The following ARHGEF26 variants were observed in gnomAD, a reference collection of about 807,000 sequenced individuals.
ARHGEF26 encodes Rho guanine nucleotide exchange factor (GEF) 26.
In ARHGEF26, 59 loss-of-function variants were observed where a neutral mutation model predicts 89.4. The ratio of observed to expected loss-of-function variants is 0.66; its 90% CI spans 0.54 to 0.82. The LOEUF is 0.82. Among genes scored for constraint, ARHGEF26 ranks in the 40% least tolerant of loss-of-function variants. The probability of loss-of-function intolerance (pLI) is 0.00; values close to 1 mark genes in which losing one functional copy is unlikely to be tolerated. For synonymous variants in ARHGEF26, 500 were observed against 428.4 expected (o/e 1.17, Z -2.06); for missense variants, 1,234 against 1,085.6 (o/e 1.14, Z -1.92).
intron 7 of ARHGEF26, among the ~76,000 whole-genome samples, chr3:154,189,474 A>G (rs1455100149): frequency 6.6e-6 from 1 of 151,328 alleles, no homozygotes; most frequent in African/African-American, 2.4e-5. Flanking sequence ...TGTAGCTGGG[A>G]CTACAAGTGC....
chr3:154,235,598 T>C (rs2108275104), intron 11 of ARHGEF26, among the ~76,000 whole-genome samples: 1 of 152,360 alleles, frequency 6.6e-6, no homozygotes, highest in East Asian at 1.9e-4. Context: ...AGAGTGATGA[T>C]AGCTGTCATA....
chr3:154,202,480 T>C (rs1267391821), intron 9 of ARHGEF26, among the ~76,000 whole-genome samples: 1 of 152,138 alleles, frequency 6.6e-6, no homozygotes, highest in Non-Finnish European at 1.5e-5. Context: ...GACTTGGCAA[T>C]GTGGGCTCTT....
chr3:154,197,766 C>T (rs1714377961), intron 9 of ARHGEF26, among the ~76,000 whole-genome samples: 1 of 152,118 alleles, frequency 6.6e-6, no homozygotes, highest in African/African-American at 2.4e-5. Flanking sequence ...TGCTTACCTC[C>T]TGATTTTCTG....
At chr3:154,159,395 A>C (rs975327884) in intron 6 of ARHGEF26, among the ~76,000 whole-genome samples, 3 of 152,160 alleles carry the variant, frequency 2.0e-5, no homozygotes, top group Admixed American at 2.0e-4. Flanking sequence ...ATATCCATCA[A>C]TGTGCTTTTG....
intron 10 of ARHGEF26, among the ~76,000 whole-genome samples, chr3:154,219,355 G>A (rs1371617044): frequency 6.6e-6 from 1 of 152,128 alleles, no homozygotes; most frequent in Non-Finnish European, 1.5e-5. Context: ...AGCACTTTGG[G>A]AGGCCGAGGT....
intron 6 of ARHGEF26, among the ~76,000 whole-genome samples, chr3:154,167,024 C>T (rs960559819): frequency 7.2e-5 from 11 of 152,152 alleles, no homozygotes; most frequent in Admixed American, 6.5e-4. Context: ...AGAATAACAC[C>T]GAGTATAATT....
At chr3:154,126,738 C>T (rs532218390) in intron 3 of ARHGEF26, among the ~76,000 whole-genome samples, 1 of 152,284 alleles carries the variant, frequency 6.6e-6, no homozygotes, top group African/African-American at 2.4e-5. Context: ...GGCCACTAGA[C>T]ATACCCAAGC....
intron 12 of ARHGEF26, among the ~76,000 whole-genome samples, chr3:154,242,901 C>T (rs563817654): frequency 6.6e-6 from 1 of 152,196 alleles, no homozygotes; most frequent in Admixed American, 6.5e-5. Flanking sequence ...GAGTTCTTCC[C>T]CTAAAGGTGC....
At chr3:154,250,449 G>A (rs946137748) in intron 12 of ARHGEF26, among the ~76,000 whole-genome samples, 2 of 152,184 alleles carry the variant, frequency 1.3e-5, no homozygotes, top group African/African-American at 4.8e-5. Flanking sequence ...ATAGCAACAA[G>A]GAGTGTCTTG....
chr3:154,129,423 T>G (rs1027280146), intron 3 of ARHGEF26, 151 bp from the exon 4 acceptor site: 3 of 921,486 alleles, frequency 3.3e-6, no homozygotes, highest in African/African-American at 3.4e-5. Flanking sequence ...AGAAAATCAC[T>G]TTTCTGTAAT....
At chr3:154,140,956 C>A (rs1719335960) in intron 4 of ARHGEF26, among the ~76,000 whole-genome samples, 1 of 128,848 alleles carries the variant, frequency 7.8e-6, no homozygotes, top group African/African-American at 2.8e-5. Context: ...GTCACTCTTT[C>A]AGCTTCCATC....
intron 9 of ARHGEF26, among the ~76,000 whole-genome samples, chr3:154,211,579 C>T (rs961298889): frequency 2.0e-5 from 3 of 152,078 alleles, no homozygotes; most frequent in Non-Finnish European, 4.4e-5. Context: ...TGCCTCTTTT[C>T]AGCAATACGA....
rs1716449455 is a variant in ARHGEF26 at position 154,225,837 on chromosome 3, G to C, written c.1936-19G>C. On this transcript the variant is annotated intron_variant, in intron 10 of 14. Coordinates refer to ENST00000465093, the MANE Select transcript of ARHGEF26 (RefSeq NM_015595.4). Reference sequence around the variant, plus strand: ...GATTTCAATTTAGCTTTGGTCACTGGGTTTTTCTCCTTTTGTAGCCTTTTC... The same window carrying C: ...GATTTCAATTTAGCTTTGGTCACTGCGTTTTTCTCCTTTTGTAGCCTTTTC... 17 of 1,576,230 alleles carry C rather than the reference G, an allele frequency of 1.1e-5. No homozygotes were observed. The highest frequency in any genetic ancestry group is 1.5e-5 in the Non-Finnish European group (17 of 1,166,354).
rs1718539297 is a variant in ARHGEF26, at chr3:154,256,703, A to G, written c.*1230A>G. ...GAACACACTACAGTAATCTCAAGGA[A>G]GGGAAAATTAGGCCTTAAAAGATAC... On this transcript the variant is annotated 3_prime_UTR_variant, in exon 15 of 15. Transcript: ENST00000465093. 12 of 1,326,814 alleles carry G rather than the reference A, an allele frequency of 9.0e-6. No homozygotes were observed. Among genetic ancestry groups the G allele is most frequent in the Non-Finnish European group, 1.1e-5 (12 of 1,043,656 alleles). 82.2% of individuals were successfully genotyped at this position (1,326,814 alleles called of 1,614,324 possible). A position where few individuals can be genotyped will look rare whatever the true frequency, so the allele number is the denominator to read the frequency against.
chr3:154,152,680 T>C, intron 5 of ARHGEF26, 92 bp from the exon 6 acceptor site: 1 of 955,496 alleles, frequency 1.0e-6, no homozygotes, highest in Non-Finnish European at 1.4e-6. Context: ...AAAAGTGGAG[T>C]ATCTTGTTAT....
At chr3:154,145,040 T>C (rs1383280360) in intron 4 of ARHGEF26, among the ~76,000 whole-genome samples, 1 of 152,236 alleles carries the variant, frequency 6.6e-6, no homozygotes, top group Non-Finnish European at 1.5e-5. Flanking sequence ...TATGCAGATC[T>C]CTGGCCCTTT....
chr3:154,203,113 C>T (rs1714761297), intron 9 of ARHGEF26, among the ~76,000 whole-genome samples: 5 of 152,112 alleles, frequency 3.3e-5, no homozygotes, highest in Admixed American at 3.3e-4. Flanking sequence ...TTTGCCCATT[C>T]AGTATGATAT....
intron 4 of ARHGEF26, among the ~76,000 whole-genome samples, chr3:154,144,711 G>C (rs930040662): frequency 6.6e-6 from 1 of 152,192 alleles, no homozygotes; most frequent in Non-Finnish European, 1.5e-5. Context: ...TGCTTTATCT[G>C]AGTTTTCCAT....
At chr3:154,193,244 G>C (rs1019064542) in intron 8 of ARHGEF26, among the ~76,000 whole-genome samples, 6 of 152,112 alleles carry the variant, frequency 3.9e-5, no homozygotes, top group African/African-American at 1.4e-4. Context: ...TGAATTATGA[G>C]CATATGTACG....
Sources: gnomAD v4.1 joint callset for allele counts (sites outside exome capture counted in the v4.1 genomes callset) on GRCh38, gnomAD v4.1.1 for gene constraint, MANE v1.5 for transcripts, NCBI Gene and HGNC (gene_info 2026-07-23, HGNC 2026-07-21) for gene names.